NEDD4L: variants seen among roughly 807,000 people sequenced by gnomAD.
The protein encoded by NEDD4L is NEDD4 like E3 ubiquitin protein ligase.
Under a neutral mutation model 148.9 loss-of-function variants are expected in NEDD4L, and 54 were observed. That is an observed-to-expected ratio of 0.36 (90% CI 0.29 to 0.45). The LOEUF (loss-of-function observed/expected upper bound fraction) is 0.45, where lower values mean the gene tolerates loss of function less well. Among genes scored for constraint, NEDD4L ranks in the 20% least tolerant of loss-of-function variants. The pLI, the probability that NEDD4L is intolerant of heterozygous loss-of-function variation, is 1.00. For missense variants in NEDD4L, 856 were observed against 1,233.8 expected, an observed-to-expected ratio of 0.69 and a Z score of 4.59; for synonymous variants, 433 against 440.7, an observed-to-expected ratio of 0.98 and a Z score of 0.22.
intron 1 of NEDD4L, among the ~76,000 whole-genome samples, chr18:58,114,359 T>C (rs371940784): frequency 1.4e-5 from 2 of 141,992 alleles, no homozygotes; most frequent in African/African-American, 5.5e-5. Context: ...TATATATATA[T>C]ATACACACAC....
At chr18:58,263,988 A>C (rs2049854810) in intron 5 of NEDD4L, among the ~76,000 whole-genome samples, 1 of 152,084 alleles carries the variant, frequency 6.6e-6, no homozygotes. Context: ...GGTCTTCCTC[A>C]TGAGTTAAAA....
Position 58,066,800 on chromosome 18 carries a change from G to T in NEDD4L, c.48+22092G>T, listed in dbSNP as rs1420392650. On this transcript the variant is annotated intron_variant, in intron 1 of 30. Transcript: ENST00000400345. The stretch of plus-strand genomic sequence containing the variant: ...AAGCATGTCTTACATGGAAGAATCA[G>T]GAGGAAGAGGGGTGGGGTGCCACAT... Among the ~76,000 whole-genome samples, 3 of 152,252 alleles carry T rather than the reference G, an allele frequency of 2.0e-5. No homozygotes were observed. The East Asian group carries it at 5.8e-4, about 29-fold the overall frequency.
intron 2 of NEDD4L, among the ~76,000 whole-genome samples, chr18:58,241,263 G>A (rs997760145): frequency 1.3e-5 from 2 of 152,232 alleles, no homozygotes; most frequent in African/African-American, 4.8e-5. Context: ...GTTTCCCAAA[G>A]TCATGTACTA....
At chr18:58,318,521 C>T (rs545568973) in intron 6 of NEDD4L, among the ~76,000 whole-genome samples, 6 of 152,322 alleles carry the variant, frequency 3.9e-5, no homozygotes, top group South Asian at 2.1e-4. Context: ...TGTACCACTG[C>T]GCTCCAGCCT....
At chr18:58,122,081 G>A (rs1194134572) in intron 1 of NEDD4L, among the ~76,000 whole-genome samples, 1 of 152,192 alleles carries the variant, frequency 6.6e-6, no homozygotes, top group African/African-American at 2.4e-5. Flanking sequence ...GGGCTGTGTC[G>A]CCCTCTAGTG....
intron 29 of NEDD4L, 143 bp from the exon 30 acceptor site, chr18:58,391,344 C>T (rs886793665): frequency 1.6e-5 from 11 of 684,118 alleles, no homozygotes; most frequent in African/African-American, 1.6e-4. Context: ...CATTAAATAT[C>T]AATGTTGCAG....
intron 5 of NEDD4L, among the ~76,000 whole-genome samples, chr18:58,281,885 C>T (rs59661341): frequency 0.18 from 27,478 of 151,298 alleles, 2,616 homozygotes; most frequent in East Asian, 0.28. Flanking sequence ...ATTGGCCGGG[C>T]GTGGTGGCAG....
chr18:58,223,762 G>C (rs1397002134), intron 2 of NEDD4L, among the ~76,000 whole-genome samples: 2 of 152,228 alleles, frequency 1.3e-5, no homozygotes, highest in Non-Finnish European at 2.9e-5. Flanking sequence ...CGCTCACCTT[G>C]AATCACGGAG....
At chr18:58,130,297 C>T (rs2031870619) in intron 1 of NEDD4L, among the ~76,000 whole-genome samples, 1 of 138,238 alleles carries the variant, frequency 7.2e-6, no homozygotes, top group Non-Finnish European at 1.5e-5. Flanking sequence ...GTGTTGGGCT[C>T]TGTTGGGGTT....
rs556953921 is a variant in NEDD4L at position 58,152,381 on chromosome 18, G to A, written c.49-13407G>A. 2.6e-5 allele frequency among the ~76,000 whole-genome samples: 4 copies of A among 152,154 alleles called. No individual in the cohort carries two copies. In the East Asian group the frequency reaches 7.7e-4, roughly 29 times the overall value. On this transcript the variant is annotated intron_variant, in intron 1 of 30. Transcript: ENST00000400345. ...AGCTTGCAAGCTGGGGAGGAAAGGG[G>A]TTAGGGTGGAGATAAAGATCTGGGA...
chr18:58,310,620 G>C (rs2057576251), intron 5 of NEDD4L, among the ~76,000 whole-genome samples: 1 of 152,232 alleles, frequency 6.6e-6, no homozygotes, highest in South Asian at 2.1e-4. Context: ...CAGCGTGGGT[G>C]GAACCGCACT....
chr18:58,339,260 C>T (rs1266368843), intron 13 of NEDD4L, among the ~76,000 whole-genome samples: 1 of 152,060 alleles, frequency 6.6e-6, no homozygotes, highest in Non-Finnish European at 1.5e-5. Flanking sequence ...ATTGTATAAA[C>T]AATAGTAGGT....
intron 5 of NEDD4L, among the ~76,000 whole-genome samples, chr18:58,296,527 T>G (rs1030072364): frequency 6.6e-6 from 1 of 152,220 alleles, no homozygotes; most frequent in Non-Finnish European, 1.5e-5. Flanking sequence ...TGCCCCTTGC[T>G]TCCTCCAGCT....
At chr18:58,169,560 G>A (rs2037311545) in intron 2 of NEDD4L, among the ~76,000 whole-genome samples, 1 of 146,352 alleles carries the variant, frequency 6.8e-6, no homozygotes, top group South Asian at 2.1e-4. Flanking sequence ...TAAAAAAAAT[G>A]CTAAGTAAAA....
intron 8 of NEDD4L, among the ~76,000 whole-genome samples, chr18:58,324,412 AGACTCCTGG>A (rs1340920722): frequency 2.6e-5 from 4 of 152,220 alleles, no homozygotes; most frequent in African/African-American, 9.6e-5. Context: ...AGCAGCTTCC[AGACTCCTGG>A]CTCCTGCGGT....
intron 1 of NEDD4L, among the ~76,000 whole-genome samples, chr18:58,072,868 GCGCGCA>G (rs1266794347): frequency 5.2e-5 from 6 of 115,880 alleles, no homozygotes; most frequent in African/African-American, 1.5e-4. Flanking sequence ...GCGCGCGCGC[GCGCGCA>G]CACACACACA....
rs765187707 is a variant in NEDD4L at position 58,401,306 on chromosome 18, T to G, written c.*5037T>G. On this transcript the variant is annotated 3_prime_UTR_variant, in exon 31 of 31. Transcript: ENST00000400345. ...TTTTTTTAAGGCAACTTATGAATAATGCTCATTTTCACAGTCAGAATAGCT... is the reference window on the plus strand; with the variant it reads ...TTTTTTTAAGGCAACTTATGAATAAGGCTCATTTTCACAGTCAGAATAGCT... The G allele has an allele frequency of 2.0e-5, 3 of 152,208 alleles. No homozygotes were observed. Among genetic ancestry groups the G allele is most frequent in the South Asian group, 2.1e-4 (1 of 4,830 alleles). The allele number at this position is 152,208 out of a possible 1,614,324, so 9.4% of individuals were successfully genotyped here.
At chr18:58,238,016 C>T (rs1346791261) in intron 2 of NEDD4L, among the ~76,000 whole-genome samples, 1 of 152,220 alleles carries the variant, frequency 6.6e-6, no homozygotes, top group Non-Finnish European at 1.5e-5. Context: ...GTGTGTTCTT[C>T]GGCAGCTTCA....
chr18:58,177,480 G>A (rs936373121), intron 2 of NEDD4L, among the ~76,000 whole-genome samples: 7 of 152,304 alleles, frequency 4.6e-5, no homozygotes, highest in African/African-American at 1.7e-4. Context: ...GAGCGTGGCT[G>A]CCGGCGTCCC....
Sources: allele counts gnomAD v4.1 joint callset (sites outside exome capture counted in the v4.1 genomes callset), GRCh38; gene constraint gnomAD v4.1.1; transcripts MANE v1.5; gene names NCBI Gene and HGNC (gene_info 2026-07-23, HGNC 2026-07-21).